BICD1: variants seen among roughly 807,000 people sequenced by gnomAD.
BICD1 encodes the protein BICD cargo adaptor 1.
In BICD1, 35 loss-of-function variants were observed where a neutral mutation model predicts 92.5. That is an observed-to-expected ratio of 0.38 (90% CI 0.29 to 0.50). The LOEUF (loss-of-function observed/expected upper bound fraction) is 0.50. Ranked by LOEUF, BICD1 falls within the 20% of genes least tolerant of loss-of-function variation. The pLI is 0.93. For missense variants in BICD1, 950 were observed against 1,189.8 expected (o/e 0.80, Z 2.97); for synonymous variants, 429 against 465.1 (o/e 0.92, Z 1.00).
At chr12:32,116,673 C>T (rs1297983217) in intron 1 of BICD1, among the ~76,000 whole-genome samples, 2 of 112,156 alleles carry the variant, frequency 1.8e-5, no homozygotes, top group African/African-American at 6.3e-5. Flanking sequence ...GTGCACACCA[C>T]TATGCTGGCT....
chr12:32,133,648 C>G (rs1484337521), intron 1 of BICD1, among the ~76,000 whole-genome samples: 1 of 152,110 alleles, frequency 6.6e-6, no homozygotes, highest in Admixed American at 6.6e-5. Flanking sequence ...AGTGTGGAGC[C>G]ATATTTCTTA....
At chr12:32,111,797 T>C (rs10844127) in intron 1 of BICD1, among the ~76,000 whole-genome samples, 48,829 of 151,566 alleles carry the variant, frequency 0.32, 7,957 homozygotes, top group Middle Eastern at 0.37. Context: ...TTAGTAGAGA[T>C]GGGCTTTCAC....
intron 2 of BICD1, among the ~76,000 whole-genome samples, chr12:32,254,379 C>T (rs1946663229): frequency 6.6e-6 from 1 of 152,242 alleles, no homozygotes; most frequent in African/African-American, 2.4e-5. Flanking sequence ...TGCCATACCC[C>T]ACCTACCATA....
intron 2 of BICD1, among the ~76,000 whole-genome samples, chr12:32,283,816 T>G (rs949863668): frequency 6.6e-6 from 1 of 152,226 alleles, no homozygotes; most frequent in Non-Finnish European, 1.5e-5. Context: ...AGTCTGGGCC[T>G]GTCCCATGGA....
At chr12:32,227,771 C>T (rs1945748086) in intron 2 of BICD1, 1 of 155,080 alleles carries the variant, frequency 6.4e-6, no homozygotes, top group Non-Finnish European at 1.5e-5. Flanking sequence ...GGGGCCTCGC[C>T]CCTGGAGGCT....
intron 1 of BICD1, among the ~76,000 whole-genome samples, chr12:32,119,951 T>G (rs553699362): frequency 6.6e-6 from 1 of 152,346 alleles, no homozygotes; most frequent in African/African-American, 2.4e-5. Context: ...AATTTGTTGT[T>G]TCTACTTTCT....
intron 8 of BICD1, among the ~76,000 whole-genome samples, chr12:32,347,806 C>G (rs920837617): frequency 6.6e-6 from 1 of 151,730 alleles, no homozygotes. Flanking sequence ...TTTTAATTAC[C>G]GTAATGAAGT....
intron 9 of BICD1, among the ~76,000 whole-genome samples, chr12:32,371,749 A>G (rs1222038223): frequency 6.6e-6 from 1 of 151,926 alleles, no homozygotes. Flanking sequence ...CACCACACCC[A>G]GCTAATTTTT....
At chr12:32,121,158 C>T (rs1176635551) in intron 1 of BICD1, among the ~76,000 whole-genome samples, 24 of 151,424 alleles carry the variant, frequency 1.6e-4, no homozygotes, top group South Asian at 8.3e-4. Flanking sequence ...TTAGTAGAGA[C>T]GGGGTTTCAC....
At chr12:32,267,003 A>G (rs11051885) in intron 2 of BICD1, among the ~76,000 whole-genome samples, 4,910 of 152,336 alleles carry the variant, frequency 0.032, 137 homozygotes, top group Non-Finnish European at 0.051. Context: ...TTATGTACTG[A>G]CAGTCCCCAT....
intron 1 of BICD1, among the ~76,000 whole-genome samples, chr12:32,156,612 CTTT>C (rs945352857): frequency 1.3e-5 from 2 of 152,180 alleles, no homozygotes; most frequent in Admixed American, 6.5e-5. Context: ...CTGACATTTG[CTTT>C]TTGGTCTTCT....
intron 1 of BICD1, among the ~76,000 whole-genome samples, chr12:32,122,502 AAC>A (rs1254836868): frequency 1.5e-5 from 2 of 136,952 alleles, no homozygotes; most frequent in African/African-American, 2.6e-5. Context: ...AAAAAAAAAA[AAC>A]AAATAACAAA....
In BICD1 at chr12:32,107,304, C is replaced by T; in HGVS notation, c.-28C>T. ...CGCATCCATCTCCCCCACCCCGTAA[C>T]CCCCTCCTGCCTCCATCCACCGGGG... On this transcript the variant is annotated 5_prime_UTR_variant, in exon 1 of 10. Coordinates refer to ENST00000652176, the MANE Select transcript of BICD1 (RefSeq NM_001714.4). 1.3e-6 allele frequency: 2 copies of T among 1,558,440 alleles called. No homozygotes were observed. Among genetic ancestry groups the T allele is most frequent in the Middle Eastern group, 1.7e-4 (1 of 5,966 alleles).
chr12:32,107,965 CTGTG>C lies in BICD1; in HGVS notation c.213+424_213+427del. ...AGGACCCACAATTTCAGGATTTAGA[CTGTG>C]TGGCACCTCAGCTTTCCTCTGGATG... is the stretch of plus-strand genomic sequence containing the variant. On this transcript the variant is annotated intron_variant, in intron 1 of 9. Coordinates refer to ENST00000652176, the MANE Select transcript of BICD1 (RefSeq NM_001714.4). 3 of 468,342 alleles carry C rather than the reference CTGTG, an allele frequency of 6.4e-6. No individual in the cohort carries two copies. The South Asian group carries it at 6.6e-5, about 10-fold the overall frequency. The allele number at this position is 468,342 out of a possible 1,614,324, so 29.0% of individuals were successfully genotyped here.
intron 2 of BICD1, among the ~76,000 whole-genome samples, chr12:32,222,228 C>T (rs1279754946): frequency 6.6e-6 from 1 of 152,204 alleles, no homozygotes; most frequent in Non-Finnish European, 1.5e-5. Flanking sequence ...AGATAGGCCC[C>T]TTCAGGTGGA....
intron 2 of BICD1, among the ~76,000 whole-genome samples, chr12:32,276,394 C>T (rs1218892140): frequency 6.6e-6 from 1 of 152,136 alleles, no homozygotes; most frequent in Admixed American, 6.5e-5. Flanking sequence ...ACTAAGAATC[C>T]CTAAGCCTAG....
chr12:32,367,170 T>A (rs960121780), intron 8 of BICD1, among the ~76,000 whole-genome samples: 1 of 152,198 alleles, frequency 6.6e-6, no homozygotes, highest in African/African-American at 2.4e-5. Flanking sequence ...TAATTAAGAT[T>A]CTACTAATCA....
At chr12:32,295,779 A>C (rs1374690405) in intron 3 of BICD1, among the ~76,000 whole-genome samples, 5 of 151,394 alleles carry the variant, frequency 3.3e-5, no homozygotes, top group Non-Finnish European at 5.9e-5. Flanking sequence ...CAGCCTCCCG[A>C]GTAGCTGGGA....
intron 3 of BICD1, among the ~76,000 whole-genome samples, chr12:32,303,832 T>C (rs900497560): frequency 6.6e-6 from 1 of 152,090 alleles, no homozygotes; most frequent in African/African-American, 2.4e-5. Context: ...CCCAGCACTT[T>C]GGGAGGCTGA....
Sources: allele counts gnomAD v4.1 joint callset (sites outside exome capture counted in the v4.1 genomes callset), GRCh38; gene constraint gnomAD v4.1.1; transcripts MANE v1.5; gene names NCBI Gene and HGNC (gene_info 2026-07-23, HGNC 2026-07-21).